HIP1R: variants seen among roughly 807,000 people sequenced by gnomAD.
HIP1R encodes the protein huntingtin interacting protein 1 related.
HIP1R carries 135 observed loss-of-function variants against 144.2 expected under a neutral mutation model. The ratio of observed to expected loss-of-function variants is 0.94; its 90% confidence interval spans 0.81 to 1.08. The LOEUF (loss-of-function observed/expected upper bound fraction) is 1.08. Among genes scored for constraint, HIP1R ranks in the 50% least tolerant of loss-of-function variants. The pLI is 0.00. For missense variants in HIP1R, 1,462 were observed against 1,432.8 expected, an observed-to-expected ratio of 1.02 and a Z score of -0.33; for synonymous variants, 698 against 612.8, an observed-to-expected ratio of 1.14 and a Z score of -2.05.
chr12:122,859,763 T>TG lies in HIP1R; in HGVS notation c.2407-6dup, dbSNP rs1222773414. 6.2e-7 allele frequency: 1 copy of TG among 1,612,712 alleles called. No homozygotes were observed. Among genetic ancestry groups the TG allele is most frequent in the Admixed American group, 1.7e-5 (1 of 59,968 alleles). The stretch of plus-strand genomic sequence containing the variant: ...CCCAGCCAGCTCACGGCTCTGTTCT[T>TG]GGGTGCAGGACATGATGAACCAGGC... On this transcript the variant is annotated splice_polypyrimidine_tract_variant and intron_variant, in intron 23 of 31. Transcript: ENST00000253083.
At position 122,862,366 on chromosome 12, in the gene HIP1R, AG is replaced by A. The variant is rs1394898782; in HGVS notation, c.*617del. On this transcript the variant is annotated 3_prime_UTR_variant, in exon 32 of 32. Coordinates refer to ENST00000253083, the MANE Select transcript of HIP1R (RefSeq NM_003959.3). ...GCCTCCGTGATGGGAGCCCCCCAGGAGGGGTCAGATGCTGGAAGGGGCCGCT... is the reference window on the plus strand; with the variant it reads ...GCCTCCGTGATGGGAGCCCCCCAGGAGGGTCAGATGCTGGAAGGGGCCGCT... 2 of 152,466 alleles carry A rather than the reference AG, an allele frequency of 1.3e-5. No homozygotes were observed. The highest frequency in any genetic ancestry group is 2.9e-5 in the Non-Finnish European group (2 of 68,256). 9.4% of individuals were successfully genotyped at this position (152,466 alleles called of 1,614,324 possible).
At chr12:122,850,069 C>G in intron 5 of HIP1R, 114 bp downstream of exon 5, 1 of 756,592 alleles carries the variant, frequency 1.3e-6, no homozygotes, top group Non-Finnish European at 2.4e-6. Context: ...ATGAGTCTTT[C>G]CATTCACCTT....
At chr12:122,844,927 C>G (rs1033786267) in intron 1 of HIP1R, among the ~76,000 whole-genome samples, 11 of 152,346 alleles carry the variant, frequency 7.2e-5, no homozygotes, top group African/African-American at 2.4e-4. Context: ...CAGGCCTGGG[C>G]AGCCCTCTAC....
rs1377878693 is a variant in HIP1R at position 122,850,848 on chromosome 12, C to T, written c.452C>T (p.Pro151Leu). The T allele has an allele frequency of 6.2e-7, 1 of 1,609,224 alleles. No individual in the cohort carries two copies. Among genetic ancestry groups the T allele is most frequent in the African/African-American group, 1.3e-5 (1 of 74,676 alleles). ...ISFHLKHPQF[P>L]AGLEVTDEVL... Reference sequence around the variant, plus strand: ...TTCTCTCCACAGCATCCCCAGTTTCCCGCGGGCCTGGAGGTGACAGATGAG... The same window carrying T: ...TTCTCTCCACAGCATCCCCAGTTTCTCGCGGGCCTGGAGGTGACAGATGAG... Residue 151 changes from proline (P) to leucine (L), a missense_variant, in exon 6 of 32, where the codon CCC (proline) becomes CTC (leucine). Physicochemically the swap from Pro to Leu is moderately conservative, Grantham distance 98 (BLOSUM62 -3). This residue lies in a region of HIP1R where 350 missense variants were observed against 421.1 expected (regional missense o/e 0.83). Transcript: ENST00000253083.
upstream of HIP1R, among the ~76,000 whole-genome samples, chr12:122,835,210 G>T (rs1278584050): frequency 2.6e-5 from 3 of 113,704 alleles, no homozygotes; most frequent in Non-Finnish European, 5.7e-5. Flanking sequence ...TGTGCGGGGG[G>T]CGGGGCGTGT....
At chr12:122,851,191 G>A in intron 6 of HIP1R, 45 bp from the exon 7 acceptor site, 1 of 1,465,442 alleles carries the variant, frequency 6.8e-7, no homozygotes, top group Non-Finnish European at 9.0e-7. Context: ...GAGTGGGTGG[G>A]TCCACCCACC....
intron 4 of HIP1R, 53 bp from the exon 5 acceptor site, chr12:122,849,822 C>T (rs2033321056): frequency 7.4e-7 from 1 of 1,359,428 alleles, no homozygotes; most frequent in Non-Finnish European, 1.1e-6. Flanking sequence ...TCCTTGAGGA[C>T]TCTTGGACGT....
At chr12:122,843,520 G>A (rs2033117823) in intron 1 of HIP1R, among the ~76,000 whole-genome samples, 1 of 152,192 alleles carries the variant, frequency 6.6e-6, no homozygotes, top group East Asian at 1.9e-4. Context: ...CACACTTGGC[G>A]ATGCCAGCTA....
At chr12:122,856,926 C>A in intron 17 of HIP1R, 95 bp from the exon 18 acceptor site, 3 of 1,205,668 alleles carry the variant, frequency 2.5e-6, no homozygotes, top group Non-Finnish European at 3.5e-6. Context: ...TGGAAGTGAT[C>A]ACTAACCCCC....
At chr12:122,852,291 C>CT (rs1329109765) in intron 7 of HIP1R, among the ~76,000 whole-genome samples, 2 of 152,194 alleles carry the variant, frequency 1.3e-5, no homozygotes, top group African/African-American at 4.8e-5. Context: ...ACCCTTGTGC[C>CT]TGGGAAGAGC....
chr12:122,839,472 A>G (rs1286913531), intron 1 of HIP1R, among the ~76,000 whole-genome samples: 2 of 152,234 alleles, frequency 1.3e-5, no homozygotes, highest in African/African-American at 2.4e-5. Context: ...TAGGGCAGCA[A>G]TATGTGGAAA....
intron 1 of HIP1R, among the ~76,000 whole-genome samples, chr12:122,837,035 A>G (rs942466212): frequency 6.6e-6 from 1 of 152,226 alleles, no homozygotes; most frequent in African/African-American, 2.4e-5. Context: ...TACATAATTA[A>G]TTGTGCCAAG....
intron 1 of HIP1R, among the ~76,000 whole-genome samples, chr12:122,847,721 C>T (rs1247363349): frequency 1.3e-5 from 2 of 152,234 alleles, no homozygotes; most frequent in African/African-American, 2.4e-5. Context: ...GGGCTCAGGG[C>T]ACCACATCTG....
rs919930433 is a variant in HIP1R at position 122,836,065 on chromosome 12, G to T, written c.93+422G>T. Among the ~76,000 whole-genome samples, 1 of 152,072 alleles carries T rather than the reference G, an allele frequency of 6.6e-6. No homozygotes were observed. The highest frequency in any genetic ancestry group is 1.5e-5 in the Non-Finnish European group (1 of 67,962). The stretch of plus-strand genomic sequence containing the variant: ...ATCCAGGTGCTCCCGGGGCCGGCGC[G>T]GCCCGACTGGGGTCCCCGACCTTCC... On this transcript the variant is annotated intron_variant, in intron 1 of 31. Transcript: ENST00000253083. This position sits in a 1 kb window ranked among gnomAD's most constrained non-coding sequence, Gnocchi z 4.1.
At chr12:122,843,775 C>T (rs1421981963) in intron 1 of HIP1R, among the ~76,000 whole-genome samples, 1 of 152,236 alleles carries the variant, frequency 6.6e-6, no homozygotes, top group African/African-American at 2.4e-5. Context: ...CACTCTGCTT[C>T]TGCCCCTCTC....
upstream of HIP1R, chr12:122,835,054 C>A (rs2135618153): frequency 3.2e-6 from 4 of 1,241,434 alleles, no homozygotes; most frequent in Non-Finnish European, 4.2e-6. Flanking sequence ...GGGGTCCCTA[C>A]CCTGGGTGGA....
At position 122,850,934 on chromosome 12, in the gene HIP1R, A is replaced by G. The variant is rs766597738; in HGVS notation, c.515+23A>G. 1.6e-5 allele frequency: 25 copies of G among 1,600,136 alleles called. No homozygotes were observed. In the East Asian group the frequency reaches 1.8e-4, roughly 12 times the overall value. ...CATGTGAGTCACTCTGCATGGCTAC[A>G]TAGCCAGTTCCCCTCGGCTTCCCCA... On this transcript the variant is annotated intron_variant, in intron 6 of 31. Transcript: ENST00000253083.
chr12:122,859,028 G>GT, intron 21 of HIP1R, 33 bp from the exon 22 acceptor site: 8 of 1,606,586 alleles, frequency 5.0e-6, no homozygotes, highest in Admixed American at 3.4e-5. Context: ...TGTCGGTGGG[G>GT]GGGGCTCCAC....
chr12:122,847,748 G>A lies in HIP1R; in HGVS notation c.94-283G>A, dbSNP rs375548731. 2.1e-3 allele frequency among the ~76,000 whole-genome samples: 324 copies of A among 152,282 alleles called. 1 individual carries two copies. The highest frequency in any genetic ancestry group is 0.014 in the South Asian group (68 of 4,832). Reference sequence around the variant, plus strand: ...CCACATCTGCCAGGAGAGTCAAGTCGTGCAGGTTTTGGGCAGGATGGCCTC... The same window carrying A: ...CCACATCTGCCAGGAGAGTCAAGTCATGCAGGTTTTGGGCAGGATGGCCTC... On this transcript the variant is annotated intron_variant, in intron 1 of 31. Coordinates refer to ENST00000253083, the MANE Select transcript of HIP1R (RefSeq NM_003959.3).
Sources: allele counts gnomAD v4.1 joint callset (sites outside exome capture counted in the v4.1 genomes callset), GRCh38; gene constraint gnomAD v4.1.1; regional missense constraint gnomAD v4.1.1; non-coding constraint Gnocchi (gnomAD v3.1); transcripts MANE v1.5; gene names NCBI Gene and HGNC (gene_info 2026-07-23, HGNC 2026-07-21).